The following WDR44 variants were observed in gnomAD, a reference collection of about 807,000 sequenced individuals.
WDR44 encodes the protein WD repeat domain 44.
Under a neutral mutation model 65.7 loss-of-function variants are expected in WDR44, and 9 were observed. The ratio of observed to expected loss-of-function variants is 0.14; its 90% CI spans 0.08 to 0.24. The LOEUF (loss-of-function observed/expected upper bound fraction) is 0.24. WDR44 is among the 10% of genes least tolerant of loss of function. The pLI is 1.00. For missense variants in WDR44, 425 were observed against 670.9 expected, an observed-to-expected ratio of 0.63 and a Z score of 4.05; for synonymous variants, 220 against 235.2, an observed-to-expected ratio of 0.94 and a Z score of 0.59.
chrX:118,392,013 T>A (rs2056824880), intron 3 of WDR44, among the ~76,000 whole-genome samples: 1 of 111,421 alleles, frequency 9.0e-6, no homozygotes, highest in Non-Finnish European at 1.9e-5. Context: ...AAAGACAAGG[T>A]GGACTGGGTA....
At chrX:118,365,473 C>T (rs964252686) in intron 1 of WDR44, among the ~76,000 whole-genome samples, 2 of 108,994 alleles carry the variant, frequency 1.8e-5, no homozygotes, top group African/African-American at 3.4e-5. Flanking sequence ...TGCCACTGCA[C>T]TCCAGCCTAA....
At chrX:118,405,741 T>TA (rs1325627848) in intron 9 of WDR44, among the ~76,000 whole-genome samples, 17 of 111,554 alleles carry the variant, frequency 1.5e-4, no homozygotes, top group Admixed American at 2.9e-4. Context: ...TAAAAATATA[T>TA]AAAAAATAAC....
At position 118,392,670 on chromosome X, in the gene WDR44, A is replaced by G; in HGVS notation, c.225A>G (p.Leu75=). ...ESIIEESQKV[L]QLEDDSLDSK... ...TTATTGAGGAGAGTCAGAAAGTACT[A>G]CAGCTTGAAGATGACTCTTTGGATT... Residue 75 remains leucine, a synonymous_variant, in exon 4 of 20, where the codon CTA becomes CTG. Coordinates refer to ENST00000254029, the MANE Select transcript of WDR44 (RefSeq NM_019045.5). 1 of 1,208,073 alleles carries G rather than the reference A, an allele frequency of 8.3e-7. No individual in the cohort carries two copies. Among genetic ancestry groups the G allele is most frequent in the Non-Finnish European group, 1.1e-6 (1 of 893,341 alleles).
At chrX:118,442,378 AC>A in intron 16 of WDR44, 33 bp downstream of exon 16, 1 of 1,094,834 alleles carries the variant, frequency 9.1e-7, no homozygotes, top group South Asian at 1.9e-5. Flanking sequence ...CTCTCTCCAT[AC>A]TATATGTAGA....
rs2057329040 is a variant in WDR44 at position 118,444,437 on chromosome X, A to G, written c.2590A>G (p.Lys864Glu). Reference sequence around the variant, plus strand: ...GTTATCTTTGGATGTGCAATCTGAAAAATCAGAAGGGAACGAGAAAAGTGA... The same window carrying G: ...GTTATCTTTGGATGTGCAATCTGAAGAATCAGAAGGGAACGAGAAAAGTGA... ...LMLSLDVQSE[K>E]SEGNEKSEDA... is the part of the protein sequence containing the mutation. Residue 864 changes from lysine to glutamate, a missense_variant, in exon 19 of 20, where the codon AAA (lysine) becomes GAA (glutamate). Coordinates refer to ENST00000254029, the MANE Select transcript of WDR44 (RefSeq NM_019045.5). 18 of 1,211,372 alleles carry G rather than the reference A, an allele frequency of 1.5e-5. No homozygotes were observed. The highest frequency in any genetic ancestry group is 1.8e-5 in the Non-Finnish European group (16 of 895,205).
In WDR44 at chrX:118,444,479, G is replaced by A. The variant is rs1332485915; in HGVS notation, c.2632G>A (p.Asp878Asn). ...NEKSEDAEVL[D>N]ATPSGIMKTD... ...GAAAAGTGAAGATGCTGAAGTTTTGGATGCCACACCTTCTGGTAAATCTTT... is the reference window on the plus strand; with the variant it reads ...GAAAAGTGAAGATGCTGAAGTTTTGAATGCCACACCTTCTGGTAAATCTTT... Residue 878 changes from aspartate (D) to asparagine (N), a missense_variant, in exon 19 of 20, where the codon GAT becomes AAT. By Grantham distance (23) the Asp-to-Asn change is conservative. Transcript: ENST00000254029. 1.7e-6 allele frequency: 2 copies of A among 1,209,444 alleles called. No homozygotes were observed. The highest frequency in any genetic ancestry group is 3.5e-5 in the African/African-American group (2 of 57,381).
intron 12 of WDR44, among the ~76,000 whole-genome samples, chrX:118,418,173 A>C (rs1316904559): frequency 9.0e-6 from 1 of 110,537 alleles, no homozygotes; most frequent in Non-Finnish European, 1.9e-5. Context: ...TAACCTCCTG[A>C]ATTCTTTTTC....
chrX:118,360,483 C>G (rs1036734832), intron 1 of WDR44, among the ~76,000 whole-genome samples: 3 of 111,847 alleles, frequency 2.7e-5, no homozygotes, highest in African/African-American at 9.8e-5. Flanking sequence ...TTAAGTGTTT[C>G]CTGAGGACCA....
At chrX:118,370,217 C>A (rs763308119) in intron 1 of WDR44, among the ~76,000 whole-genome samples, 1 of 112,162 alleles carries the variant, frequency 8.9e-6, no homozygotes, top group African/African-American at 3.2e-5. Flanking sequence ...AGTGAAAAGA[C>A]AACCTACAGA....
intron 13 of WDR44, chrX:118,436,437 C>A (rs2057255458): frequency 2.7e-6 from 1 of 368,562 alleles, no homozygotes; most frequent in Non-Finnish European, 5.0e-6. Flanking sequence ...TGGTGCCTGG[C>A]AGATTTCTTT....
chrX:118,409,390 A>G, intron 10 of WDR44, 99 bp from the exon 11 acceptor site: 1 of 948,421 alleles, frequency 1.1e-6, no homozygotes, highest in South Asian at 2.3e-5. Flanking sequence ...TCAGCCTCCC[A>G]AAGTGCTGAG....
At chrX:118,429,244 A>G (rs750902304) in intron 12 of WDR44, among the ~76,000 whole-genome samples, 3 of 111,628 alleles carry the variant, frequency 2.7e-5, no homozygotes, top group Non-Finnish European at 5.6e-5. Context: ...AAAAGAGACT[A>G]TAAAAGTTTC....
chrX:118,381,579 T>C (rs1479930462), intron 2 of WDR44, among the ~76,000 whole-genome samples: 3 of 102,438 alleles, frequency 2.9e-5, no homozygotes, highest in Non-Finnish European at 5.9e-5. Context: ...CTTTCTTCTT[T>C]TTTTTTTTTT....
chrX:118,438,726 T>A (rs911777144), intron 14 of WDR44, among the ~76,000 whole-genome samples: 1 of 109,811 alleles, frequency 9.1e-6, no homozygotes, highest in Non-Finnish European at 1.9e-5. Flanking sequence ...ATTAAAAGCA[T>A]GAACCACTGC....
intron 2 of WDR44, among the ~76,000 whole-genome samples, chrX:118,383,722 T>A (rs1419213204): frequency 1.0e-5 from 1 of 97,352 alleles, no homozygotes; most frequent in Non-Finnish European, 2.1e-5. Flanking sequence ...CAAGTATTCT[T>A]TTTTTTTTTT....
intron 3 of WDR44, among the ~76,000 whole-genome samples, chrX:118,390,540 A>G (rs1245749778): frequency 2.7e-5 from 3 of 111,741 alleles, no homozygotes; most frequent in African/African-American, 6.5e-5. Flanking sequence ...AGAGATTATT[A>G]TCAGATAAGG....
chrX:118,434,479 CTT>C (rs972728545), intron 13 of WDR44, among the ~76,000 whole-genome samples: 6 of 111,553 alleles, frequency 5.4e-5, no homozygotes, highest in Non-Finnish European at 1.1e-4. Flanking sequence ...TTTTATATGA[CTT>C]TTATTTTTAT....
intron 2 of WDR44, among the ~76,000 whole-genome samples, chrX:118,383,102 G>A (rs1393410484): frequency 9.0e-6 from 1 of 111,570 alleles, no homozygotes; most frequent in Non-Finnish European, 1.9e-5. Context: ...GTCTTCTCTG[G>A]AGATCAGGCC....
Position 118,441,248 on chromosome X carries a change from C to T in WDR44, c.1975-120C>T, listed in dbSNP as rs192935868. ...TGCTAGGATTATAGGCGTGAGCCAC[C>T]GCACCTGGCCCTGAAATCTACATTT... On this transcript the variant is annotated intron_variant, in intron 14 of 19. Coordinates refer to ENST00000254029, the MANE Select transcript of WDR44 (RefSeq NM_019045.5). 1,621 of 670,956 alleles carry T rather than the reference C, an allele frequency of 2.4e-3. 5 individuals carry two copies. Among genetic ancestry groups the T allele is most frequent in the Non-Finnish European group, 3.3e-3 (1,495 of 454,728 alleles). 55.3% of individuals were successfully genotyped at this position (670,956 alleles called of 1,213,427 possible).
Sources: allele counts gnomAD v4.1 joint callset (sites outside exome capture counted in the v4.1 genomes callset), GRCh38; gene constraint gnomAD v4.1.1; transcripts MANE v1.5; gene names NCBI Gene and HGNC (gene_info 2026-07-23, HGNC 2026-07-21).